Variants in DYNC2H1 observed in about 807,000 individuals in gnomAD.
DYNC2H1 encodes cytoplasmic dynein 2 heavy chain 1.
Under a neutral mutation model 570.0 loss-of-function variants are expected in DYNC2H1, and 410 were observed. The observed-to-expected ratio is 0.72, with a 90% CI of 0.66 to 0.78. The LOEUF is 0.78. Ranked by LOEUF, DYNC2H1 falls within the 30% of genes least tolerant of loss-of-function variation. The probability of loss-of-function intolerance (pLI) is 0.00; values close to 1 mark genes in which losing one functional copy is unlikely to be tolerated. For synonymous variants in DYNC2H1, 1,688 were observed against 1,677.6 expected (o/e 1.01, Z -0.15); for missense variants, 4,865 against 5,046.4 (o/e 0.96, Z 1.09).
chr11:103,401,769 CTTGTTA>C (rs71951041), intron 84 of DYNC2H1, among the ~76,000 whole-genome samples: 8,004 of 152,110 alleles, frequency 0.053, 255 homozygotes, highest in Non-Finnish European at 0.076. Flanking sequence ...AAATGCTGTT[CTTGTTA>C]TTGTTATTTT....
intron 83 of DYNC2H1, among the ~76,000 whole-genome samples, chr11:103,364,695 T>C (rs1940818269): frequency 6.6e-6 from 1 of 151,950 alleles, no homozygotes; most frequent in Admixed American, 6.6e-5. Flanking sequence ...ATCAATTTGG[T>C]TTATAAAATA....
intron 82 of DYNC2H1, among the ~76,000 whole-genome samples, chr11:103,333,228 T>TA (rs983904040): frequency 6.6e-6 from 1 of 152,186 alleles, no homozygotes; most frequent in Non-Finnish European, 1.5e-5. Context: ...ATTGTGTGTG[T>TA]AAAAAAAGTA....
Position 103,201,330 on chromosome 11 carries a change from GT to G in DYNC2H1, c.8197+1180del, listed in dbSNP as rs1862711645. Among the ~76,000 whole-genome samples the G allele has an allele frequency of 6.6e-6, 1 of 152,016 alleles. No homozygotes were observed. The highest frequency in any genetic ancestry group is 1.5e-5 in the Non-Finnish European group (1 of 67,952). On this transcript the variant is annotated intron_variant, in intron 50 of 88. Coordinates refer to ENST00000375735, the MANE Select transcript of DYNC2H1 (RefSeq NM_001377.3). The surrounding 1 kb of genome is among the most constrained non-coding windows in gnomAD (Gnocchi z 4.8). Reference sequence around the variant, plus strand: ...ATTGTAGAGATATTTATTGTTTTATGTTTTCAAGATTTCTATGGTTTGAAAA... The same window carrying G: ...ATTGTAGAGATATTTATTGTTTTATGTTTCAAGATTTCTATGGTTTGAAAA...
In DYNC2H1 at chr11:103,166,020, T is replaced by C; in HGVS notation, c.4734T>C (p.Asp1578=). 6.5e-7 allele frequency: 1 copy of C among 1,532,570 alleles called. No homozygotes were observed. Among genetic ancestry groups the C allele is most frequent in the Non-Finnish European group, 8.8e-7 (1 of 1,138,184 alleles). The allele number at this position is 1,532,570 out of a possible 1,614,324, so 94.9% of individuals were successfully genotyped here. ...VNKLEQYTNI[D]TSSEDPGNTE... is the part of the protein sequence containing the mutation. ...AGTTAGAGCAATATACTAACATTGA[T>C]ACAAGTTCTGAGGATCCAGGGAATA... Residue 1578 remains aspartate (D), a synonymous_variant, in exon 31 of 89, where the codon GAT becomes GAC. Transcript: ENST00000375735.
intron 87 of DYNC2H1, among the ~76,000 whole-genome samples, chr11:103,458,233 A>G (rs1944864455): frequency 6.6e-6 from 1 of 152,152 alleles, no homozygotes; most frequent in African/African-American, 2.4e-5. Flanking sequence ...AGATACACTT[A>G]CCATGTGTTC....
intron 84 of DYNC2H1, among the ~76,000 whole-genome samples, chr11:103,420,732 A>T (rs1943458324): frequency 6.6e-6 from 1 of 152,212 alleles, no homozygotes; most frequent in Non-Finnish European, 1.5e-5. Context: ...AGGAAGCACT[A>T]AATATAGAAA....
chr11:103,412,702 A>C (rs1943134405), intron 84 of DYNC2H1, among the ~76,000 whole-genome samples: 1 of 152,182 alleles, frequency 6.6e-6, no homozygotes, highest in African/African-American at 2.4e-5. Flanking sequence ...TGTGTCTTTT[A>C]ATAATTTTCA....
rs1861839197 is a variant in DYNC2H1, at chr11:103,181,267, C to T, written c.6348-490C>T. ...TAAAGATCTGTATTACAGTTTAGATCAGTGCATTTTAAACTCTAATGTGCA... is the reference window on the plus strand; with the variant it reads ...TAAAGATCTGTATTACAGTTTAGATTAGTGCATTTTAAACTCTAATGTGCA... On this transcript the variant is annotated intron_variant, in intron 39 of 88. Transcript: ENST00000375735. This position sits in a 1 kb window ranked among gnomAD's most constrained non-coding sequence, Gnocchi z 5.0. Among the ~76,000 whole-genome samples, 2 of 151,418 alleles carry T rather than the reference C, an allele frequency of 1.3e-5. No individual in the cohort carries two copies. The highest frequency in any genetic ancestry group is 3.9e-4 in the East Asian group (2 of 5,180).
chr11:103,273,052 A>G (rs959844953), intron 70 of DYNC2H1, among the ~76,000 whole-genome samples: 31 of 151,578 alleles, frequency 2.0e-4, no homozygotes, highest in African/African-American at 6.0e-4. Flanking sequence ...TATTTGCTCA[A>G]TTTTGGATTT....
At chr11:103,119,156 G>T (rs1383548169) in intron 6 of DYNC2H1, among the ~76,000 whole-genome samples, 1 of 152,248 alleles carries the variant, frequency 6.6e-6, no homozygotes, top group East Asian at 1.9e-4. Flanking sequence ...GTCATAGTAA[G>T]TTCCATTGGC....
chr11:103,286,329 A>ATTAT lies in DYNC2H1; in HGVS notation c.10965_10966insTTAT (p.Met3656LeufsTer4). ...TGTGGCGTACTTATTATAATAATTC[A>ATTAT]ATGTGTGAGCAAGAGTTTCCATCTA... On this transcript the variant is annotated frameshift_variant, in exon 74 of 89. Coordinates refer to ENST00000375735, the MANE Select transcript of DYNC2H1 (RefSeq NM_001377.3). LOFTEE classifies it high-confidence loss of function. 1 of 1,613,762 alleles carries ATTAT rather than the reference A, an allele frequency of 6.2e-7. No individual in the cohort carries two copies. The highest frequency in any genetic ancestry group is 8.5e-7 in the Non-Finnish European group (1 of 1,179,778).
intron 84 of DYNC2H1, chr11:103,405,765 T>C (rs1942839023): frequency 6.6e-6 from 1 of 151,980 alleles, no homozygotes; most frequent in South Asian, 2.1e-4. Context: ...TTCCCACTCA[T>C]GCGCCAAATA....
Position 103,131,851 on chromosome 11 carries a change from A to T in DYNC2H1, c.1954-1704A>T, listed in dbSNP as rs111558880. On this transcript the variant is annotated intron_variant, in intron 13 of 88. Transcript: ENST00000375735. The stretch of plus-strand genomic sequence containing the variant: ...TTGTATCTCTTTGGCTCCATTCAAG[A>T]TTTCAAAGAATCTTTGTCTTTAGTT... 7.0e-3 allele frequency among the ~76,000 whole-genome samples: 1,069 copies of T among 152,228 alleles called. 9 individuals are homozygous for T. The highest frequency in any genetic ancestry group is 0.024 in the African/African-American group (1,009 of 41,564).
At chr11:103,128,785 T>A (rs1859123496) in intron 12 of DYNC2H1, 125 bp from the exon 13 acceptor site, 4 of 822,068 alleles carry the variant, frequency 4.9e-6, no homozygotes, top group Non-Finnish European at 5.5e-6. Flanking sequence ...CTATTGGAGA[T>A]GAAAAACCAA....
intron 5 of DYNC2H1, among the ~76,000 whole-genome samples, chr11:103,116,925 T>C: frequency 6.6e-6 from 1 of 151,676 alleles, no homozygotes; most frequent in East Asian, 1.9e-4. Context: ...TATAACCAAA[T>C]TTACATAGAT....
chr11:103,219,915 G>T lies in DYNC2H1; in HGVS notation c.8833G>T (p.Asp2945Tyr), dbSNP rs1863523229. The T allele has an allele frequency of 2.0e-6, 3 of 1,502,108 alleles. No homozygotes were observed. Among genetic ancestry groups the T allele is most frequent in the Non-Finnish European group, 2.7e-6 (3 of 1,125,156 alleles). 93.0% of individuals were successfully genotyped at this position (1,502,108 alleles called of 1,614,324 possible). Residue 2945 changes from aspartate to tyrosine, a missense_variant and splice_region_variant, in exon 56 of 89, where the codon GAT becomes TAT. Physicochemically the swap from Asp to Tyr is radical, Grantham distance 160 (BLOSUM62 -3). Around this residue, in one of 5 missense-constraint regions of DYNC2H1, gnomAD observed 2,401 missense variants for 2,454.6 expected, o/e 0.98. Transcript: ENST00000375735. ...GAATGCCACTTAAATATTCTTATAG[G>T]ATGCTAGTGAGCAAAAAACAGAACT... ...ALQMITVSMQ[D>Y]ASEQKTELER...
Position 103,197,995 on chromosome 11 carries a change from C to T in DYNC2H1, c.7771C>T (p.Pro2591Ser), listed in dbSNP as rs1437911866. The change falls in exon 48 of 89, where the codon CCA (proline) becomes TCA (serine). Residue 2591 changes from proline (P) to serine (S), a missense_variant. Pro to Ser is a moderately conservative substitution (Grantham distance 74). Coordinates refer to ENST00000375735, the MANE Select transcript of DYNC2H1 (RefSeq NM_001377.3). Reference protein sequence around the residue: ...NSGARAAPGQPLPPHGKPLGK... With the variant: ...NSGARAAPGQSLPPHGKPLGK... Reference sequence around the variant, plus strand: ...AGGAGCAAGGGCAGCCCCAGGACAACCATTACCTCCACATGGAAAACCACT... The same window carrying T: ...AGGAGCAAGGGCAGCCCCAGGACAATCATTACCTCCACATGGAAAACCACT... 3.8e-6 allele frequency: 6 copies of T among 1,562,146 alleles called. No homozygotes were observed. The highest frequency in any genetic ancestry group is 3.8e-5 in the Admixed American group (2 of 52,280).
At chr11:103,131,702 T>C (rs1362938414) in intron 13 of DYNC2H1, among the ~76,000 whole-genome samples, 2 of 152,152 alleles carry the variant, frequency 1.3e-5, no homozygotes, top group African/African-American at 2.4e-5. Flanking sequence ...TTTAAATAGA[T>C]ATGAAATGCA....
chr11:103,340,161 A>G (rs1275571542), intron 82 of DYNC2H1, among the ~76,000 whole-genome samples: 3 of 152,158 alleles, frequency 2.0e-5, no homozygotes, highest in East Asian at 1.9e-4. Context: ...TGTTTTTAAA[A>G]TAGTGTTTTC....
Sources: gnomAD v4.1 joint callset for allele counts (sites outside exome capture counted in the v4.1 genomes callset) on GRCh38, gnomAD v4.1.1 for gene constraint, gnomAD v4.1.1 regional missense constraint, Gnocchi (gnomAD v3.1) non-coding constraint, MANE v1.5 for transcripts, NCBI Gene and HGNC (gene_info 2026-07-23, HGNC 2026-07-21) for gene names.